FOXD4L5: variants seen among roughly 807,000 people sequenced by gnomAD.
FOXD4L5 encodes the protein forkhead box protein D4-like 5.
For synonymous variants in FOXD4L5, 2 were observed against 238.5 expected, an observed-to-expected ratio of 0.01 and a Z score of 9.14; for missense variants, 5 against 544.3, an observed-to-expected ratio of 0.01 and a Z score of 9.86.
In FOXD4L5 at chr9:65,284,541, C is replaced by G; in HGVS notation, c.-164G>C. The stretch of plus-strand genomic sequence containing the variant: ...GTTTCTACTCCTTTGCAACAACGTC[C>G]GGCAAAGATGCCTTTGCCTTTTATA... On this transcript the variant is annotated 5_prime_UTR_variant, in exon 1 of 1. Coordinates refer to ENST00000377420, the MANE Select transcript of FOXD4L5 (RefSeq NM_001126334.1). The G allele has an allele frequency of 2.5e-6, 1 of 405,292 alleles. No individual in the cohort carries two copies. The allele number at this position is 405,292 out of a possible 1,614,324, so 25.1% of individuals were successfully genotyped here. A position where few individuals can be genotyped will look rare whatever the true frequency, so the allele number is the denominator to read the frequency against.
chr9:65,284,370 A>C lies in FOXD4L5; in HGVS notation c.8T>G (p.Leu3Arg), dbSNP rs2131057767. 6.6e-7 allele frequency: 1 copy of C among 1,506,878 alleles called. No individual in the cohort carries two copies. Among genetic ancestry groups the C allele is most frequent in the African/African-American group, 1.5e-5 (1 of 64,966 alleles). 93.3% of individuals were successfully genotyped at this position (1,506,878 alleles called of 1,614,324 possible). A position where few individuals can be genotyped will look rare whatever the true frequency, so the allele number is the denominator to read the frequency against. ...GGAGCGAGGGCGCTCAGCTCTTGGC[A>C]GGTTCATGGAGGAGCAGGTGCTTCA... MN[L>R]PRAERPRSTP... The change falls in exon 1 of 1, where the codon CTG becomes CGG. Residue 3 changes from leucine to arginine, a missense_variant. By Grantham distance (102) the Leu-to-Arg change is moderately radical. Coordinates refer to ENST00000377420, the MANE Select transcript of FOXD4L5 (RefSeq NM_001126334.1).
chr9:65,283,672 G>GGCCCTCTGCTT, the FOXD4L5 span: 1 of 287,962 alleles, frequency 3.5e-6, no homozygotes, highest in Non-Finnish European at 4.8e-6. Context: ...GCCCCAAGCA[G>GGCCCTCTGCTT]AGGGCCTGGG....
the FOXD4L5 span, chr9:65,284,138 CGGGCCGCCGCCGCCCTCGATGTGCTCTCG>C: frequency 6.2e-7 from 1 of 1,608,208 alleles, no homozygotes; most frequent in East Asian, 2.3e-5. Flanking sequence ...AGGGGTCACT[CGGGCCGCCGCCGCCCTCGATGTGCTCTCG>C]GGGAAGCGCA....
Position 65,284,570 on chromosome 9 carries a change from G to T in FOXD4L5, c.-193C>A, listed in dbSNP as rs1161936403. The T allele has an allele frequency of 2.0e-5, 6 of 299,246 alleles. 1 individual carries two copies. Among genetic ancestry groups the T allele is most frequent in the Admixed American group, 1.5e-4 (2 of 13,304 alleles). The allele number at this position is 299,246 out of a possible 1,614,324, so 18.5% of individuals were successfully genotyped here. A position where few individuals can be genotyped will look rare whatever the true frequency, so the allele number is the denominator to read the frequency against. ...AAAGATGCCTTTGCCTTTTATAAAA[G>T]CTTCTTCAAGACCATGTGTGGTGGA... On this transcript the variant is annotated 5_prime_UTR_variant, in exon 1 of 1. Transcript: ENST00000377420.
At chr9:65,284,003 CG>C in the FOXD4L5 span, 2 of 1,575,844 alleles carry the variant, frequency 1.3e-6, no homozygotes, top group African/African-American at 3.0e-5. Flanking sequence ...GGCGCTTGTG[CG>C]GGTTTTGCAG....
At position 65,284,510 on chromosome 9, in the gene FOXD4L5, C is replaced by T. The variant is rs1274455809; in HGVS notation, c.-133G>A. ...TGGTTACCCTTTGGGATGTTTTCGT[C>T]TGCTTGTTTCTACTCCTTTGCAACA... On this transcript the variant is annotated 5_prime_UTR_variant, in exon 1 of 1. Transcript: ENST00000377420. 2.5e-6 allele frequency: 2 copies of T among 796,672 alleles called. No homozygotes were observed. Among genetic ancestry groups the T allele is most frequent in the Non-Finnish European group, 3.6e-6 (2 of 553,826 alleles). 49.4% of individuals were successfully genotyped at this position (796,672 alleles called of 1,614,324 possible).
At position 65,284,520 on chromosome 9, in the gene FOXD4L5, C is replaced by G. The variant is rs1361969873; in HGVS notation, c.-143G>C. 1 of 683,436 alleles carries G rather than the reference C, an allele frequency of 1.5e-6. No individual in the cohort carries two copies. The highest frequency in any genetic ancestry group is 4.5e-5 in the Admixed American group (1 of 22,004). 42.3% of individuals were successfully genotyped at this position (683,436 alleles called of 1,614,324 possible). On this transcript the variant is annotated 5_prime_UTR_variant, in exon 1 of 1. Coordinates refer to ENST00000377420, the MANE Select transcript of FOXD4L5 (RefSeq NM_001126334.1). ...TTGGGATGTTTTCGTCTGCTTGTTT[C>G]TACTCCTTTGCAACAACGTCCGGCA...
chr9:65,282,111 T>C lies in FOXD4L5; in HGVS notation c.*1016A>G, dbSNP rs1247989183. 7 of 29,192 alleles carry C rather than the reference T, an allele frequency of 2.4e-4. No individual in the cohort carries two copies. The highest frequency in any genetic ancestry group is 5.8e-4 in the Admixed American group (1 of 1,716). 1.8% of individuals were successfully genotyped at this position (29,192 alleles called of 1,614,324 possible). A position where few individuals can be genotyped will look rare whatever the true frequency, so the allele number is the denominator to read the frequency against. On this transcript the variant is annotated 3_prime_UTR_variant, in exon 1 of 1. Transcript: ENST00000377420. ...TTGAAGTCCGTATACTTCAATATCC[T>C]CCCCTCTTCTCATTTGTCTTTACTG...
rs1474641019 is a variant in FOXD4L5 at position 65,282,790 on chromosome 9, TGACTTGAC to T, written c.*329_*336del. 1.6e-5 allele frequency: 4 copies of T among 248,508 alleles called. No homozygotes were observed. The highest frequency in any genetic ancestry group is 1.1e-4 in the African/African-American group (4 of 37,638). The allele number at this position is 248,508 out of a possible 1,614,324, so 15.4% of individuals were successfully genotyped here. Reference sequence around the variant, plus strand: ...AGCCACAACCGAAGGCAAGAAAAGATGACTTGACGCCCTGCGAAGGTTACGTTCAGGTG... The same window carrying T: ...AGCCACAACCGAAGGCAAGAAAAGATGCCCTGCGAAGGTTACGTTCAGGTG... On this transcript the variant is annotated 3_prime_UTR_variant, in exon 1 of 1. Coordinates refer to ENST00000377420, the MANE Select transcript of FOXD4L5 (RefSeq NM_001126334.1).
Sources: allele counts gnomAD v4.1 joint callset, GRCh38; gene constraint gnomAD v4.1.1; transcripts MANE v1.5; gene names NCBI Gene and HGNC (gene_info 2026-07-23, HGNC 2026-07-21).